The following TCF12 variants were observed in gnomAD, a reference collection of about 807,000 sequenced individuals.
The protein encoded by TCF12 is transcription factor 12, also known as DNA-binding protein HTF4.
TCF12 carries 45 observed loss-of-function variants against 86.0 expected under a neutral mutation model. The ratio of observed to expected loss-of-function variants is 0.52; its 90% CI spans 0.41 to 0.67. The LOEUF (loss-of-function observed/expected upper bound fraction) is 0.67, where lower values mean the gene tolerates loss of function less well. TCF12 is among the 30% of genes least tolerant of loss of function. The pLI, the probability that TCF12 is intolerant of heterozygous loss-of-function variation, is 0.00. For missense variants in TCF12, 881 were observed against 859.9 expected, an observed-to-expected ratio of 1.02 and a Z score of -0.31; for synonymous variants, 330 against 299.6, an observed-to-expected ratio of 1.10 and a Z score of -1.05.
chr15:57,245,853 T>G (rs764124044), intron 13 of TCF12, among the ~76,000 whole-genome samples: 2 of 152,208 alleles, frequency 1.3e-5, no homozygotes, highest in African/African-American at 4.8e-5. Context: ...CACATACTTG[T>G]GTTGAAACAG....
chr15:57,282,670 T>G, intron 20 of TCF12, 72 bp downstream of exon 20: 1 of 1,531,354 alleles, frequency 6.5e-7, no homozygotes, highest in South Asian at 1.3e-5. Context: ...TTAGAATCTT[T>G]GAACAGAATT....
chr15:56,970,814 C>T (rs1254799139), intron 3 of TCF12, among the ~76,000 whole-genome samples: 1 of 151,954 alleles, frequency 6.6e-6, no homozygotes, highest in Non-Finnish European at 1.5e-5. Context: ...CTTTGGGAAC[C>T]TGAGGCAGAA....
intron 13 of TCF12, among the ~76,000 whole-genome samples, chr15:57,245,655 G>C (rs2059823489): frequency 6.6e-6 from 1 of 152,116 alleles, no homozygotes; most frequent in South Asian, 2.1e-4. Context: ...CCAAGATTTA[G>C]ACATTTTCCA....
chr15:57,197,907 C>G (rs566767502), intron 8 of TCF12, 82 bp downstream of exon 8: 3 of 1,377,730 alleles, frequency 2.2e-6, no homozygotes, highest in Non-Finnish European at 3.1e-6. Flanking sequence ...AGGGTACATT[C>G]GATTGATGCG....
At chr15:56,941,178 A>G (rs1237441057) in intron 3 of TCF12, among the ~76,000 whole-genome samples, 1 of 151,706 alleles carries the variant, frequency 6.6e-6, no homozygotes, top group Non-Finnish European at 1.5e-5. Context: ...CAGCCTGGGT[A>G]ACATGGCGAA....
chr15:57,158,184 G>GTTTTTTTTTTTTTTTTT lies in TCF12; in HGVS notation c.326-8215_326-8214insTTTTTTTTTTTTTTTTT, dbSNP rs374179677. Among the ~76,000 whole-genome samples the GTTTTTTTTTTTTTTTTT allele has an allele frequency of 2.2e-5, 3 of 134,084 alleles. 1 individual carries two copies. The highest frequency in any genetic ancestry group is 4.8e-5 in the Non-Finnish European group (3 of 62,334). 88.0% of individuals were successfully genotyped at this position (134,084 alleles called of 152,430 possible). The stretch of plus-strand genomic sequence containing the variant: ...ACAGATGTTAAAGTCTCAGAAAGTC[G>GTTTTTTTTTTTTTTTTT]TTTCTTTTTTTTTTTTTTCTTTGAG... On this transcript the variant is annotated intron_variant, in intron 5 of 20. Coordinates refer to ENST00000333725, the MANE Select transcript of TCF12 (RefSeq NM_207037.2).
intron 3 of TCF12, among the ~76,000 whole-genome samples, chr15:56,936,588 C>A (rs1661382218): frequency 6.6e-6 from 1 of 152,064 alleles, no homozygotes; most frequent in Non-Finnish European, 1.5e-5. Flanking sequence ...CTGATGTTAT[C>A]TTCTGGAATT....
chr15:57,099,118 C>T (rs1795212348), intron 5 of TCF12, among the ~76,000 whole-genome samples: 1 of 152,158 alleles, frequency 6.6e-6, no homozygotes, highest in South Asian at 2.1e-4. Flanking sequence ...TTTATAACAT[C>T]CTGTTCCTGG....
intron 4 of TCF12, among the ~76,000 whole-genome samples, chr15:57,074,133 C>A (rs1251128785): frequency 2.6e-5 from 4 of 151,892 alleles, no homozygotes; most frequent in Admixed American, 1.3e-4. Context: ...ATAAATGAGC[C>A]ATAGGATGAA....
rs757564344 is a variant in TCF12, at chr15:56,919,899, T to C, written c.-15T>C. ...CCGTTTCCTCTGCCCTAGGACCTGC[T>C]AGAAGTGGCCGAAGATGAATCCCCA... is the stretch of plus-strand genomic sequence containing the variant. On this transcript the variant is annotated 5_prime_UTR_variant, in exon 2 of 21. It removes the in-frame stop codon of an upstream open reading frame in the 5' UTR. Coordinates refer to ENST00000333725, the MANE Select transcript of TCF12 (RefSeq NM_207037.2). 1 of 1,613,748 alleles carries C rather than the reference T, an allele frequency of 6.2e-7. No homozygotes were observed. Among genetic ancestry groups the C allele is most frequent in the Admixed American group, 1.7e-5 (1 of 60,010 alleles).
intron 8 of TCF12, among the ~76,000 whole-genome samples, chr15:57,228,758 G>A (rs1481480253): frequency 1.6e-5 from 2 of 122,000 alleles, no homozygotes; most frequent in South Asian, 2.7e-4. Context: ...AAGTATATTA[G>A]TGTGTGAAAT....
intron 3 of TCF12, among the ~76,000 whole-genome samples, chr15:56,923,055 C>G (rs1044973144): frequency 6.6e-6 from 1 of 151,952 alleles, no homozygotes; most frequent in Admixed American, 6.5e-5. Flanking sequence ...TGAAGAGCTG[C>G]TGTAGTAAAG....
At chr15:57,262,361 A>G (rs2060627858) in intron 17 of TCF12, among the ~76,000 whole-genome samples, 153 bp downstream of exon 17, 1 of 152,172 alleles carries the variant, frequency 6.6e-6, no homozygotes, top group Non-Finnish European at 1.5e-5. Flanking sequence ...TTAGGGTTCC[A>G]ACTGGCCCAC....
intron 8 of TCF12, among the ~76,000 whole-genome samples, chr15:57,210,194 A>G (rs533456309): frequency 6.6e-6 from 1 of 152,168 alleles, no homozygotes; most frequent in South Asian, 2.1e-4. Context: ...ACAGAGGTGC[A>G]TAACAGATAC....
chr15:57,216,218 A>G (rs898159105), intron 8 of TCF12, among the ~76,000 whole-genome samples: 5 of 152,096 alleles, frequency 3.3e-5, no homozygotes, highest in South Asian at 4.1e-4. Context: ...TTGCTAATAA[A>G]AGGTATATGG....
intron 1 of TCF12, 125 bp from the exon 2 acceptor site, chr15:56,919,767 G>A: frequency 1.3e-6 from 1 of 754,670 alleles, no homozygotes; most frequent in Non-Finnish European, 2.1e-6. Context: ...GGAGCGAGTC[G>A]GGGTCCTGGA....
Position 56,921,093 on chromosome 15 carries a change from G to A in TCF12, c.143G>A (p.Gly48Glu). Residue 48 changes from glycine to glutamate, a missense_variant, in exon 3 of 21, where the codon GGA becomes GAA. Physicochemically the swap from Gly to Glu is moderately conservative, Grantham distance 98. Coordinates refer to ENST00000333725, the MANE Select transcript of TCF12 (RefSeq NM_207037.2). ...ACACTGGGAAGCAGTCAATTCAGTG[G>A]ATCAGGTAAGATGATGTCTTAAACT... ...PTTLGSSQFS[G>E]SGIDERGGTT... is the part of the protein sequence containing the mutation. 1.2e-6 allele frequency: 2 copies of A among 1,607,112 alleles called. No individual in the cohort carries two copies. The highest frequency in any genetic ancestry group is 1.7e-6 in the Non-Finnish European group (2 of 1,176,290).
At chr15:57,079,290 C>G (rs186757667) in intron 4 of TCF12, among the ~76,000 whole-genome samples, 8 of 152,102 alleles carry the variant, frequency 5.3e-5, no homozygotes, top group South Asian at 2.1e-4. Context: ...TGATTGTGTA[C>G]TAGGTGAAGA....
At chr15:57,248,783 A>G (rs1597620328) in intron 13 of TCF12, among the ~76,000 whole-genome samples, 2 of 152,228 alleles carry the variant, frequency 1.3e-5, no homozygotes, top group East Asian at 3.8e-4. Flanking sequence ...CACATTGAAG[A>G]TAGACCTTTG....
Sources: allele counts gnomAD v4.1 joint callset (sites outside exome capture counted in the v4.1 genomes callset), GRCh38; gene constraint gnomAD v4.1.1; transcripts MANE v1.5; gene names NCBI Gene and HGNC (gene_info 2026-07-23, HGNC 2026-07-21).